LRRC8B: variants seen among roughly 807,000 people sequenced by gnomAD.
LRRC8B encodes leucine rich repeat containing 8 VRAC subunit B.
Under a neutral mutation model 58.8 loss-of-function variants are expected in LRRC8B, and 23 were observed. The observed-to-expected ratio is 0.39, with a 90% CI of 0.28 to 0.55. The LOEUF is 0.55. Ranked by LOEUF, LRRC8B falls within the 20% of genes least tolerant of loss-of-function variation. The probability of loss-of-function intolerance (pLI) is 0.62; values close to 1 mark genes in which losing one functional copy is unlikely to be tolerated. For synonymous variants in LRRC8B, 359 were observed against 374.1 expected, an observed-to-expected ratio of 0.96 and a Z score of 0.47; for missense variants, 694 against 936.0, an observed-to-expected ratio of 0.74 and a Z score of 3.37.
chr1:89,541,268 G>T (rs1208881452), intron 1 of LRRC8B, among the ~76,000 whole-genome samples: 1 of 152,144 alleles, frequency 6.6e-6, no homozygotes, highest in Non-Finnish European at 1.5e-5. Context: ...AGAGAATAGA[G>T]GTTGTATTTG....
chr1:89,582,945 C>T lies in LRRC8B; in HGVS notation c.295C>T (p.Arg99Ter), dbSNP rs1654346389. Residue 99 changes from arginine to a stop codon, truncating the protein, a stop_gained, in exon 5 of 6, where the codon CGA (arginine) becomes TGA (stop). Coordinates refer to ENST00000330947, the MANE Select transcript of LRRC8B (RefSeq NM_001369817.2). LOFTEE classifies it high-confidence loss of function. ...LPLRIQNDLHRQQYSYIDAVC... is the reference protein window; with the variant it reads ...LPLRIQNDLH ...CCTCCGAATTCAGAATGACCTCCAC[C>T]GACAGCAGTACTCCTATATTGATGC... is the stretch of plus-strand genomic sequence containing the variant. 3.1e-6 allele frequency: 5 copies of T among 1,614,062 alleles called. No homozygotes were observed. Among genetic ancestry groups the T allele is most frequent in the African/African-American group, 1.3e-5 (1 of 74,920 alleles).
chr1:89,549,532 G>C (rs1651657726), intron 1 of LRRC8B, among the ~76,000 whole-genome samples: 1 of 152,186 alleles, frequency 6.6e-6, no homozygotes, highest in Admixed American at 6.5e-5. Context: ...GAGGCTGCAA[G>C]TTATTTTTAA....
At position 89,550,459 on chromosome 1, in the gene LRRC8B, G is replaced by T. The variant is rs1271190473; in HGVS notation, c.-240-17788G>T. Among the ~76,000 whole-genome samples, 4 of 152,216 alleles carry T rather than the reference G, an allele frequency of 2.6e-5. No individual in the cohort carries two copies. The East Asian group carries it at 7.7e-4, about 29-fold the overall frequency. On this transcript the variant is annotated intron_variant, in intron 1 of 5. Coordinates refer to ENST00000330947, the MANE Select transcript of LRRC8B (RefSeq NM_001369817.2). ...TGGTACCTGTGTCTCATTAGGTCTG[G>T]ACCTAAATGGCCTTTTCATCTCACC...
chr1:89,548,206 A>G (rs763742044), intron 1 of LRRC8B, among the ~76,000 whole-genome samples: 5 of 152,258 alleles, frequency 3.3e-5, no homozygotes, highest in African/African-American at 7.2e-5. Context: ...TTAGACATCA[A>G]ATGGAAAAGC....
intron 5 of LRRC8B, among the ~76,000 whole-genome samples, chr1:89,592,524 C>T (rs898188706): frequency 6.6e-6 from 1 of 152,112 alleles, no homozygotes; most frequent in East Asian, 1.9e-4. Context: ...AAACCAAATT[C>T]GTTGCCCACC....
intron 1 of LRRC8B, among the ~76,000 whole-genome samples, chr1:89,548,440 G>T (rs1048161873): frequency 1.1e-4 from 17 of 152,164 alleles, no homozygotes; most frequent in African/African-American, 4.1e-4. Flanking sequence ...AAATTATTAG[G>T]TTTTATAATG....
chr1:89,570,350 C>A (rs1249900431), intron 3 of LRRC8B, among the ~76,000 whole-genome samples: 1 of 152,108 alleles, frequency 6.6e-6, no homozygotes, highest in Non-Finnish European at 1.5e-5. Flanking sequence ...AGTGTATAAG[C>A]ATTCCTTTTT....
chr1:89,555,402 A>G (rs1344313980), intron 1 of LRRC8B, among the ~76,000 whole-genome samples: 2 of 152,176 alleles, frequency 1.3e-5, no homozygotes, highest in African/African-American at 2.4e-5. Context: ...GTAAGAAGGT[A>G]TGAAGATTGT....
In LRRC8B at chr1:89,592,716, TATC is replaced by T. The variant is rs1163725131; in HGVS notation, c.2140-52_2140-50del. 8.6e-6 allele frequency: 13 copies of T among 1,503,940 alleles called. No homozygotes were observed. In the East Asian group the frequency reaches 9.0e-5, roughly 10 times the overall value. The allele number at this position is 1,503,940 out of a possible 1,614,324, so 93.2% of individuals were successfully genotyped here. On this transcript the variant is annotated intron_variant, in intron 5 of 5. Transcript: ENST00000330947. ...TTTTTTGGAAAAAAGGTAAATGTCTTATCATAAGCCACCAAAAACCTATTTTAC... is the reference window on the plus strand; with the variant it reads ...TTTTTTGGAAAAAAGGTAAATGTCTTATAAGCCACCAAAAACCTATTTTAC...
intron 1 of LRRC8B, among the ~76,000 whole-genome samples, chr1:89,555,342 G>A (rs1204893715): frequency 6.6e-6 from 1 of 152,140 alleles, no homozygotes; most frequent in Non-Finnish European, 1.5e-5. Context: ...CTCTGCTAAA[G>A]GATTCAGGAA....
At chr1:89,537,063 A>G (rs951489209) in intron 1 of LRRC8B, among the ~76,000 whole-genome samples, 2 of 152,202 alleles carry the variant, frequency 1.3e-5, no homozygotes, top group African/African-American at 4.8e-5. Flanking sequence ...AAAATTTTCC[A>G]CTGTGTCACA....
chr1:89,540,525 TTTC>T (rs1650879786), intron 1 of LRRC8B, among the ~76,000 whole-genome samples: 1 of 152,210 alleles, frequency 6.6e-6, no homozygotes, highest in African/African-American at 2.4e-5. Context: ...CATGTCAGCT[TTTC>T]CCCTTTGTGA....
At chr1:89,528,850 G>C (rs945919482) in intron 1 of LRRC8B, among the ~76,000 whole-genome samples, 1 of 152,184 alleles carries the variant, frequency 6.6e-6, no homozygotes, top group African/African-American at 2.4e-5. Flanking sequence ...GGAAAGGCAA[G>C]AGCCCATGGT....
chr1:89,557,793 T>C (rs1652301204), intron 1 of LRRC8B, among the ~76,000 whole-genome samples: 1 of 152,236 alleles, frequency 6.6e-6, no homozygotes, highest in Admixed American at 6.5e-5. Flanking sequence ...TTATGTTGTG[T>C]GTTCCCCTGC....
chr1:89,579,009 T>C (rs1654045219), intron 3 of LRRC8B, among the ~76,000 whole-genome samples: 1 of 152,008 alleles, frequency 6.6e-6, no homozygotes, highest in Admixed American at 6.6e-5. Flanking sequence ...AAAAAGTATA[T>C]TAACTTATCA....
intron 1 of LRRC8B, among the ~76,000 whole-genome samples, chr1:89,565,752 G>A (rs1368321178): frequency 6.6e-6 from 1 of 152,164 alleles, no homozygotes; most frequent in African/African-American, 2.4e-5. Flanking sequence ...GCACAGAGAG[G>A]GACAAGACTG....
intron 1 of LRRC8B, among the ~76,000 whole-genome samples, chr1:89,546,464 G>A (rs182412089): frequency 2.0e-4 from 30 of 152,276 alleles, no homozygotes; most frequent in Middle Eastern, 3.4e-3. Context: ...TATCAAGCAC[G>A]GAAGAGTAAC....
intron 1 of LRRC8B, among the ~76,000 whole-genome samples, chr1:89,528,920 A>G (rs1385381734): frequency 6.6e-6 from 1 of 152,194 alleles, no homozygotes; most frequent in East Asian, 1.9e-4. Context: ...ATTGCCTAGA[A>G]CTTAGTAACA....
At chr1:89,591,872 T>C (rs1654998362) in intron 5 of LRRC8B, among the ~76,000 whole-genome samples, 1 of 152,164 alleles carries the variant, frequency 6.6e-6, no homozygotes, top group South Asian at 2.1e-4. Flanking sequence ...CCAGCCAATA[T>C]GTAGAGTATT....
Sources: allele counts gnomAD v4.1 joint callset (sites outside exome capture counted in the v4.1 genomes callset), GRCh38; gene constraint gnomAD v4.1.1; transcripts MANE v1.5; gene names NCBI Gene and HGNC (gene_info 2026-07-23, HGNC 2026-07-21).